ACOT7: variants seen among roughly 807,000 people sequenced by gnomAD.
ACOT7 encodes cytosolic acyl coenzyme A thioester hydrolase.
Under a neutral mutation model 40.2 loss-of-function variants are expected in ACOT7, and 12 were observed. The ratio of observed to expected loss-of-function variants is 0.30; its 90% CI spans 0.19 to 0.48. The LOEUF is 0.48. Among genes scored for constraint, ACOT7 ranks in the 20% least tolerant of loss-of-function variants. The probability of loss-of-function intolerance (pLI) is 0.99; values close to 1 mark genes in which losing one functional copy is unlikely to be tolerated. For synonymous variants in ACOT7, 228 were observed against 219.5 expected, an observed-to-expected ratio of 1.04 and a Z score of -0.34; for missense variants, 395 against 530.8, an observed-to-expected ratio of 0.74 and a Z score of 2.51.
intron 3 of ACOT7, among the ~76,000 whole-genome samples, chr1:6,336,359 T>A (rs78816723): frequency 2.9e-4 from 33 of 115,226 alleles, no homozygotes; most frequent in Admixed American, 5.8e-4. Context: ...AAAAAAAAAA[T>A]CTCTTAAAAT....
intron 3 of ACOT7, among the ~76,000 whole-genome samples, chr1:6,334,435 A>G (rs1003040691): frequency 1.3e-5 from 2 of 152,240 alleles, no homozygotes; most frequent in African/African-American, 2.4e-5. Flanking sequence ...GCCCAGGCAG[A>G]GCAGCCCAGG....
chr1:6,373,413 C>A (rs1642170302), intron 1 of ACOT7, among the ~76,000 whole-genome samples: 1 of 152,130 alleles, frequency 6.6e-6, no homozygotes, highest in African/African-American at 2.4e-5. Flanking sequence ...CCACACCCAG[C>A]TAATTTTTTA....
intron 1 of ACOT7, among the ~76,000 whole-genome samples, chr1:6,370,149 C>G (rs1474898632): frequency 6.6e-6 from 1 of 152,120 alleles, no homozygotes; most frequent in African/African-American, 2.4e-5. Flanking sequence ...AGGAGCCTGG[C>G]ACCTCCCTTC....
rs1639749019 is a variant in ACOT7, at chr1:6,294,186, A to T, written c.829+678T>A. ...AGGGGGTGCACGGCCTCATCTCAGC[A>T]GACGTCACACTGACAAAAATCACCA... On this transcript the variant is annotated intron_variant, in intron 7 of 8. Transcript: ENST00000361521. The surrounding 1 kb of genome is among the most constrained non-coding windows in gnomAD (Gnocchi z 4.6). 6.6e-6 allele frequency among the ~76,000 whole-genome samples: 1 copy of T among 152,250 alleles called. No homozygotes were observed. The highest frequency in any genetic ancestry group is 1.5e-5 in the Non-Finnish European group (1 of 68,044).
intron 2 of ACOT7, among the ~76,000 whole-genome samples, chr1:6,348,998 G>A (rs938262720): frequency 4.6e-5 from 7 of 152,180 alleles, no homozygotes; most frequent in South Asian, 4.1e-4. Context: ...TGTGCTGACC[G>A]AGCCCCATAG....
intron 7 of ACOT7, among the ~76,000 whole-genome samples, chr1:6,293,769 A>G (rs1031063965): frequency 2.0e-5 from 3 of 152,220 alleles, no homozygotes; most frequent in African/African-American, 7.2e-5. Flanking sequence ...CCTTACCACA[A>G]AGCATCCAAA....
intron 5 of ACOT7, among the ~76,000 whole-genome samples, chr1:6,325,242 C>T (rs1276372781): frequency 1.3e-5 from 2 of 152,010 alleles, no homozygotes; most frequent in Non-Finnish European, 2.9e-5. Flanking sequence ...ACTAAAAATA[C>T]AAAAAATAAG....
chr1:6,380,953 G>T (rs1234216641), intron 1 of ACOT7, among the ~76,000 whole-genome samples: 1 of 151,730 alleles, frequency 6.6e-6, no homozygotes, highest in African/African-American at 2.4e-5. Context: ...CCCACAGAAT[G>T]GGAGAAATTA....
intron 1 of ACOT7, among the ~76,000 whole-genome samples, chr1:6,374,402 G>C (rs997108598): frequency 6.6e-6 from 1 of 152,254 alleles, no homozygotes; most frequent in Non-Finnish European, 1.5e-5. Flanking sequence ...GGGGCCAGTG[G>C]GTCAGTACGG....
rs1017026463 is a variant in ACOT7, at chr1:6,393,499, G to A, written c.-100C>T. 4.6e-6 allele frequency: 5 copies of A among 1,085,616 alleles called. No individual in the cohort carries two copies. In the African/African-American group the frequency reaches 4.9e-5, roughly 11 times the overall value. 67.2% of individuals were successfully genotyped at this position (1,085,616 alleles called of 1,614,324 possible). A position where few individuals can be genotyped will look rare whatever the true frequency, so the allele number is the denominator to read the frequency against. On this transcript the variant is annotated 5_prime_UTR_variant, in exon 1 of 9. Coordinates refer to ENST00000361521, the MANE Select transcript of ACOT7 (RefSeq NM_007274.4). ...CTCCCCGCGCCGACCCCGCCCCCGC[G>A]CCGGCCCCACCCCGAGCCCCGCCTC...
intron 5 of ACOT7, among the ~76,000 whole-genome samples, chr1:6,320,242 G>A (rs1640605703): frequency 6.6e-6 from 1 of 152,224 alleles, no homozygotes; most frequent in African/African-American, 2.4e-5. Flanking sequence ...CCGAAAAGGA[G>A]AGTTTTGTGT....
intron 1 of ACOT7, among the ~76,000 whole-genome samples, 186 bp downstream of exon 1, chr1:6,393,071 T>C (rs560744142): frequency 6.6e-6 from 1 of 150,494 alleles, no homozygotes; most frequent in Non-Finnish European, 1.5e-5. Context: ...GCCGCCCGGC[T>C]TGTGCGGCAT....
intron 1 of ACOT7, among the ~76,000 whole-genome samples, chr1:6,392,148 T>C (rs1472159368): frequency 6.6e-6 from 1 of 152,148 alleles, no homozygotes; most frequent in Non-Finnish European, 1.5e-5. Flanking sequence ...ACTTGCTATA[T>C]GCCCAGCCTT....
At position 6,352,158 on chromosome 1, in the gene ACOT7, C is replaced by A. The variant is rs1341534534; in HGVS notation, c.144-2292G>T. 1.3e-5 allele frequency: 2 copies of A among 152,628 alleles called. No individual in the cohort carries two copies. Among genetic ancestry groups the A allele is most frequent in the East Asian group, 3.8e-4 (2 of 5,204 alleles). 9.5% of individuals were successfully genotyped at this position (152,628 alleles called of 1,614,324 possible). ...AGACACAACCCTCTCCCCTACAGGA[C>A]CTGACTCCTGCCTGGGGACTGTGCT... On this transcript the variant is annotated intron_variant, in intron 1 of 8. Coordinates refer to ENST00000361521, the MANE Select transcript of ACOT7 (RefSeq NM_007274.4). This position sits in a 1 kb window ranked among gnomAD's most constrained non-coding sequence, Gnocchi z 4.5.
chr1:6,281,214 T>C lies in ACOT7; in HGVS notation c.902A>G (p.Asp301Gly). ...AGAGCTGTCCACAACAGGGTCGGCGTCCACCAACACCTCGATCTCCATGGA... is the reference window on the plus strand; with the variant it reads ...AGAGCTGTCCACAACAGGGTCGGCGCCCACCAACACCTCGATCTCCATGGA... ...NKSMEIEVLV[D>G]ADPVVDSSQK... is the part of the protein sequence containing the mutation. Residue 301 changes from aspartate (D) to glycine (G), a missense_variant, in exon 8 of 9, where the codon GAC (aspartate) becomes GGC (glycine). Around this residue, in one of 2 missense-constraint regions of ACOT7, gnomAD observed 309 missense variants for 470.3 expected, o/e 0.66. Transcript: ENST00000361521. 6.2e-7 allele frequency: 1 copy of C among 1,613,804 alleles called. No homozygotes were observed.
chr1:6,350,122 C>G (rs141704496), intron 1 of ACOT7, among the ~76,000 whole-genome samples: 34 of 152,284 alleles, frequency 2.2e-4, no homozygotes, highest in Non-Finnish European at 1.5e-4. Flanking sequence ...CCCCCTGAAG[C>G]CACATGTCCC....
intron 5 of ACOT7, among the ~76,000 whole-genome samples, chr1:6,321,060 T>C (rs1339077473): frequency 6.6e-6 from 1 of 152,106 alleles, no homozygotes; most frequent in Non-Finnish European, 1.5e-5. Context: ...CCCGCCAGGG[T>C]CTGAGCTATG....
chr1:6,349,898 T>A, intron 1 of ACOT7, 32 bp from the exon 2 acceptor site: 1 of 1,598,160 alleles, frequency 6.3e-7, no homozygotes. Flanking sequence ...ATGAGGCCTC[T>A]GGAGAGGATG....
intron 1 of ACOT7, among the ~76,000 whole-genome samples, chr1:6,388,843 C>A (rs1197297432): frequency 6.6e-6 from 1 of 151,454 alleles, no homozygotes; most frequent in African/African-American, 2.4e-5. Context: ...TCGAGACCAT[C>A]CTGGCTAACA....
Sources: allele counts gnomAD v4.1 joint callset (sites outside exome capture counted in the v4.1 genomes callset), GRCh38; gene constraint gnomAD v4.1.1; regional missense constraint gnomAD v4.1.1; non-coding constraint Gnocchi (gnomAD v3.1); transcripts MANE v1.5; gene names NCBI Gene and HGNC (gene_info 2026-07-23, HGNC 2026-07-21).